The following PACRG variants were observed in gnomAD, a reference collection of about 807,000 sequenced individuals.
The protein encoded by PACRG is parkin coregulated gene protein.
PACRG carries 29 observed loss-of-function variants against 29.7 expected under a neutral mutation model. The ratio of observed to expected loss-of-function variants is 0.98; its 90% CI spans 0.73 to 1.33. PACRG has a LOEUF of 1.33. Among genes scored for constraint, PACRG ranks in the 40% most tolerant of loss-of-function variants. The pLI is 0.00. For synonymous variants in PACRG, 116 were observed against 118.7 expected (o/e 0.98, Z 0.15); for missense variants, 279 against 316.2 (o/e 0.88, Z 0.89).
intron 2 of PACRG, among the ~76,000 whole-genome samples, chr6:162,995,380 A>G (rs186754485): frequency 0.019 from 2,817 of 151,848 alleles, 71 homozygotes; most frequent in African/African-American, 0.062. Flanking sequence ...CTGCTGTGCT[A>G]GCAATCAGCG....
intron 1 of PACRG, among the ~76,000 whole-genome samples, chr6:162,765,579 A>C (rs796264018): frequency 6.6e-6 from 1 of 152,152 alleles, no homozygotes; most frequent in South Asian, 2.1e-4. Flanking sequence ...TTGTACCATT[A>C]TCGTAAGTGA....
chr6:163,133,282 C>T (rs562472393), intron 4 of PACRG, among the ~76,000 whole-genome samples: 46 of 152,208 alleles, frequency 3.0e-4, no homozygotes, highest in Non-Finnish European at 5.3e-4. Context: ...CACCTCACTG[C>T]GCAGGAATCT....
intron 4 of PACRG, among the ~76,000 whole-genome samples, chr6:163,207,616 A>C (rs1213567537): frequency 6.6e-6 from 1 of 152,150 alleles, no homozygotes; most frequent in African/African-American, 2.4e-5. Context: ...CTACATGATG[A>C]GATGCTTGAG....
At chr6:163,292,344 A>G (rs1001619934) in intron 4 of PACRG, among the ~76,000 whole-genome samples, 11 of 152,326 alleles carry the variant, frequency 7.2e-5, no homozygotes, top group African/African-American at 2.6e-4. Flanking sequence ...AAAATGAAGC[A>G]TAAGAAATTC....
chr6:162,973,289 C>T (rs781711211), intron 2 of PACRG, among the ~76,000 whole-genome samples: 2 of 152,194 alleles, frequency 1.3e-5, no homozygotes, highest in African/African-American at 2.4e-5. Context: ...TAGTAAAAGG[C>T]GGTTTGCCCT....
intron 2 of PACRG, among the ~76,000 whole-genome samples, chr6:163,038,793 G>C (rs1404972000): frequency 6.6e-6 from 1 of 152,152 alleles, no homozygotes; most frequent in African/African-American, 2.4e-5. Flanking sequence ...ATTCTCCCTA[G>C]AGAGGACAGG....
At chr6:163,096,717 A>G (rs1814624925) in intron 4 of PACRG, among the ~76,000 whole-genome samples, 1 of 152,202 alleles carries the variant, frequency 6.6e-6, no homozygotes, top group Admixed American at 6.5e-5. Context: ...AATCGAGGGT[A>G]AGTGCTTTGA....
chr6:163,199,615 T>C (rs1441878228), intron 4 of PACRG, among the ~76,000 whole-genome samples: 1 of 152,178 alleles, frequency 6.6e-6, no homozygotes, highest in East Asian at 1.9e-4. Flanking sequence ...CTGCCAAGCT[T>C]GGCCGCCTCT....
chr6:163,067,170 T>A (rs1329417667), intron 3 of PACRG, among the ~76,000 whole-genome samples: 2 of 152,194 alleles, frequency 1.3e-5, no homozygotes, highest in Non-Finnish European at 2.9e-5. Context: ...TCAGTATGCA[T>A]CCGCGGACCT....
intron 4 of PACRG, among the ~76,000 whole-genome samples, chr6:163,196,414 G>C (rs1780455407): frequency 6.6e-6 from 1 of 152,190 alleles, no homozygotes; most frequent in Non-Finnish European, 1.5e-5. Flanking sequence ...CTTACCTGTG[G>C]CCTCACCTTG....
At chr6:163,025,002 A>T (rs1304402938) in intron 2 of PACRG, among the ~76,000 whole-genome samples, 1 of 152,358 alleles carries the variant, frequency 6.6e-6, no homozygotes. Context: ...TTATCTCAAT[A>T]GATGCAGAAA....
intron 2 of PACRG, among the ~76,000 whole-genome samples, chr6:162,964,806 AGGATCAGAATTATG>A (rs1800898069): frequency 6.6e-6 from 1 of 152,232 alleles, no homozygotes; most frequent in African/African-American, 2.4e-5. Flanking sequence ...ACTGACCCCC[AGGATCAGAATTATG>A]GGTTTAGAAA....
At chr6:162,801,169 G>T (rs912737931) in intron 1 of PACRG, among the ~76,000 whole-genome samples, 2 of 152,072 alleles carry the variant, frequency 1.3e-5, no homozygotes, top group East Asian at 3.9e-4. Context: ...CCCAGGCTGG[G>T]GGATATCTTG....
At chr6:162,864,227 A>C (rs77392043) in intron 2 of PACRG, among the ~76,000 whole-genome samples, 1,756 of 152,324 alleles carry the variant, frequency 0.012, 36 homozygotes, top group African/African-American at 0.04. Flanking sequence ...TATATTTCAA[A>C]ATTTCTGACT....
chr6:163,194,656 A>T (rs559165198), intron 4 of PACRG, among the ~76,000 whole-genome samples: 7 of 152,330 alleles, frequency 4.6e-5, no homozygotes, highest in African/African-American at 1.7e-4. Flanking sequence ...TGAAGAGGAC[A>T]GCTTTTTTGT....
At chr6:163,197,621 T>C (rs1462375871) in intron 4 of PACRG, among the ~76,000 whole-genome samples, 1 of 138,726 alleles carries the variant, frequency 7.2e-6, no homozygotes. Context: ...TTTTTTTTTT[T>C]CGTGTTTTTA....
intron 4 of PACRG, among the ~76,000 whole-genome samples, chr6:163,286,833 T>C (rs767833640): frequency 6.6e-6 from 1 of 152,220 alleles, no homozygotes; most frequent in Non-Finnish European, 1.5e-5. Flanking sequence ...TACATGTGTG[T>C]ATGTATATGC....
At chr6:162,977,662 A>G (rs893514306) in intron 2 of PACRG, among the ~76,000 whole-genome samples, 2 of 152,114 alleles carry the variant, frequency 1.3e-5, no homozygotes, top group African/African-American at 4.8e-5. Flanking sequence ...TTAGAATAGT[A>G]TTTCTGGGTA....
chr6:163,195,221 T>G (rs2128363728), intron 4 of PACRG, among the ~76,000 whole-genome samples: 1 of 152,372 alleles, frequency 6.6e-6, no homozygotes, highest in Non-Finnish European at 1.5e-5. Context: ...TGATTGGCAT[T>G]TGATTGTTCT....
Sources: allele counts gnomAD v4.1 joint callset (sites outside exome capture counted in the v4.1 genomes callset), GRCh38; gene constraint gnomAD v4.1.1; transcripts MANE v1.5; gene names NCBI Gene and HGNC (gene_info 2026-07-23, HGNC 2026-07-21).